Variants in SAV1 observed in about 807,000 individuals in gnomAD.
The protein encoded by SAV1 is salvador family WW domain containing protein 1.
In SAV1, 23 loss-of-function variants were observed where a neutral mutation model predicts 47.3. That is an observed-to-expected ratio of 0.49 (90% CI 0.35 to 0.69). SAV1 has a LOEUF of 0.69. Among genes scored for constraint, SAV1 ranks in the 30% least tolerant of loss-of-function variants. The probability of loss-of-function intolerance (pLI) is 0.01; values close to 1 mark genes in which losing one functional copy is unlikely to be tolerated. For missense variants in SAV1, 448 were observed against 457.4 expected, an observed-to-expected ratio of 0.98 and a Z score of 0.19; for synonymous variants, 155 against 159.2, an observed-to-expected ratio of 0.97 and a Z score of 0.20.
chr14:50,663,529 A>T (rs541825658), intron 2 of SAV1, among the ~76,000 whole-genome samples: 1 of 152,324 alleles, frequency 6.6e-6, no homozygotes, highest in East Asian at 1.9e-4. Context: ...ACATGCCTAG[A>T]AAACCTCTCC....
rs367864112 is a variant in SAV1 at position 50,644,152 on chromosome 14, A to T, written c.806+592T>A. Reference sequence around the variant, plus strand: ...TTCAAGGGCTCAACAGCCACACGTGACAACTGGCTATCAGGCAGCACAGGG... The same window carrying T: ...TTCAAGGGCTCAACAGCCACACGTGTCAACTGGCTATCAGGCAGCACAGGG... On this transcript the variant is annotated intron_variant, in intron 3 of 4. Transcript: ENST00000324679. Among the ~76,000 whole-genome samples, 13 of 152,372 alleles carry T rather than the reference A, an allele frequency of 8.5e-5. No homozygotes were observed. The East Asian group carries it at 2.5e-3, about 29-fold the overall frequency.
intron 2 of SAV1, among the ~76,000 whole-genome samples, chr14:50,662,325 C>T (rs1051912523): frequency 1.1e-4 from 17 of 152,272 alleles, no homozygotes; most frequent in African/African-American, 2.2e-4. Flanking sequence ...CCTGCCACCA[C>T]GCCCGGCTAA....
chr14:50,651,915 C>A (rs761993864), intron 2 of SAV1, among the ~76,000 whole-genome samples: 1 of 152,188 alleles, frequency 6.6e-6, no homozygotes, highest in Non-Finnish European at 1.5e-5. Flanking sequence ...TACAGGCATG[C>A]GCCCCTGTGC....
At position 50,665,085 on chromosome 14, in the gene SAV1, T is replaced by C. The variant is rs1285739226; in HGVS notation, c.535+94A>G. The C allele has an allele frequency of 3.4e-6, 5 of 1,460,978 alleles. No individual in the cohort carries two copies. In the African/African-American group the frequency reaches 4.3e-5, roughly 13 times the overall value. 90.5% of individuals were successfully genotyped at this position (1,460,978 alleles called of 1,614,324 possible). On this transcript the variant is annotated intron_variant, in intron 2 of 4. Transcript: ENST00000324679. ...TGGAAAAACATTTCGCTAGTAGTAT[T>C]TGTTCGTGTCCCAAGAAAATCTAGA...
At chr14:50,647,134 G>A (rs770242682) in intron 2 of SAV1, among the ~76,000 whole-genome samples, 3 of 151,856 alleles carry the variant, frequency 2.0e-5, no homozygotes, top group Non-Finnish European at 4.4e-5. Flanking sequence ...AAACTATAAC[G>A]CTTTTACAAG....
intron 2 of SAV1, among the ~76,000 whole-genome samples, chr14:50,646,281 T>C (rs534934728): frequency 1.3e-5 from 2 of 152,356 alleles, no homozygotes; most frequent in African/African-American, 4.8e-5. Flanking sequence ...TCTCTCTCCC[T>C]CTCTCTTGAA....
intron 1 of SAV1, chr14:50,667,307 T>C (rs757319221): frequency 5.7e-6 from 2 of 352,210 alleles, no homozygotes; most frequent in African/African-American, 2.2e-5. Context: ...ACAAAGGCTT[T>C]TGGCTCTCTG....
At chr14:50,638,178 C>T (rs925507454) in intron 4 of SAV1, among the ~76,000 whole-genome samples, 1 of 152,150 alleles carries the variant, frequency 6.6e-6, no homozygotes, top group African/African-American at 2.4e-5. Flanking sequence ...ATAGTTACTA[C>T]CCTTCTGCCT....
chr14:50,641,936 T>C (rs745353215), intron 3 of SAV1, among the ~76,000 whole-genome samples: 20 of 152,020 alleles, frequency 1.3e-4, no homozygotes, highest in Non-Finnish European at 2.4e-4. Context: ...CTATTCACAA[T>C]AGCAAAGATA....
intron 4 of SAV1, among the ~76,000 whole-genome samples, chr14:50,636,441 G>C (rs2039635225): frequency 6.6e-6 from 1 of 152,134 alleles, no homozygotes; most frequent in African/African-American, 2.4e-5. Context: ...GAAAACTAAA[G>C]AAGGAAAGAA....
chr14:50,635,253 AG>A lies in SAV1; in HGVS notation c.1081del (p.Leu361PhefsTer28). 6.2e-7 allele frequency: 1 copy of A among 1,614,190 alleles called. No individual in the cohort carries two copies. Among genetic ancestry groups the A allele is most frequent in the Non-Finnish European group, 8.5e-7 (1 of 1,180,024 alleles). On this transcript the variant is annotated frameshift_variant, in exon 5 of 5. Coordinates refer to ENST00000324679, the MANE Select transcript of SAV1 (RefSeq NM_021818.4). LOFTEE classifies it high-confidence loss of function. ...VKMYEAYRQA[L>X]LTELENRKQR... Reference sequence around the variant, plus strand: ...CTTTCGGTTTTCCAACTCTGTAAGAAGGGCTTGTCTGTATGCTTCATACATT... The same window carrying A: ...CTTTCGGTTTTCCAACTCTGTAAGAAGGCTTGTCTGTATGCTTCATACATT...
At chr14:50,666,649 T>A (rs1041742703) in intron 1 of SAV1, among the ~76,000 whole-genome samples, 1 of 152,112 alleles carries the variant, frequency 6.6e-6, no homozygotes, top group Non-Finnish European at 1.5e-5. Flanking sequence ...ACTTAAAGTA[T>A]AATAAAAAGT....
At chr14:50,639,328 T>C (rs1460387096) in intron 4 of SAV1, among the ~76,000 whole-genome samples, 1 of 149,354 alleles carries the variant, frequency 6.7e-6, no homozygotes, top group Non-Finnish European at 1.5e-5. Context: ...AACATGCAAA[T>C]TTTTTTTGCA....
intron 2 of SAV1, among the ~76,000 whole-genome samples, chr14:50,651,939 AATAAATTG>A (rs1423282689): frequency 6.6e-6 from 1 of 152,188 alleles, no homozygotes; most frequent in Non-Finnish European, 1.5e-5. Context: ...GCCCAAAGAG[AATAAATTG>A]TACTTCCTCA....
rs556485957 is a variant in SAV1, at chr14:50,657,941, C to T, written c.535+7238G>A. ...CATTATGAATAAGACTCAAATAGGCCGGTTTCCAAATTTTGTAGTGGCTAC... is the reference window on the plus strand; with the variant it reads ...CATTATGAATAAGACTCAAATAGGCTGGTTTCCAAATTTTGTAGTGGCTAC... On this transcript the variant is annotated intron_variant, in intron 2 of 4. Coordinates refer to ENST00000324679, the MANE Select transcript of SAV1 (RefSeq NM_021818.4). 3.9e-5 allele frequency among the ~76,000 whole-genome samples: 6 copies of T among 152,194 alleles called. No homozygotes were observed. In the South Asian group the frequency reaches 1.0e-3, roughly 26 times the overall value.
At chr14:50,656,254 C>T (rs2039811515) in intron 2 of SAV1, among the ~76,000 whole-genome samples, 1 of 152,128 alleles carries the variant, frequency 6.6e-6, no homozygotes, top group South Asian at 2.1e-4. Context: ...ACAAAGACCT[C>T]TCTGTAAATA....
At chr14:50,638,635 C>CT (rs1359571616) in intron 4 of SAV1, among the ~76,000 whole-genome samples, 1 of 152,152 alleles carries the variant, frequency 6.6e-6, no homozygotes, top group Admixed American at 6.5e-5. Context: ...CACTGCAGGA[C>CT]TGCCAAGCCA....
intron 3 of SAV1, among the ~76,000 whole-genome samples, chr14:50,642,424 G>GC (rs1316900855): frequency 2.0e-5 from 3 of 151,718 alleles, no homozygotes; most frequent in Non-Finnish European, 4.4e-5. Context: ...GGGAGGCGAA[G>GC]GTTGAGGTGA....
At chr14:50,652,810 C>T (rs905737134) in intron 2 of SAV1, among the ~76,000 whole-genome samples, 5 of 152,208 alleles carry the variant, frequency 3.3e-5, no homozygotes, top group African/African-American at 9.6e-5. Context: ...GCGGGTGCAT[C>T]ACCTGAGGTC....
Sources: allele counts gnomAD v4.1 joint callset (sites outside exome capture counted in the v4.1 genomes callset), GRCh38; gene constraint gnomAD v4.1.1; transcripts MANE v1.5; gene names NCBI Gene and HGNC (gene_info 2026-07-23, HGNC 2026-07-21).